The following GRK5 variants were observed in gnomAD, a reference collection of about 807,000 sequenced individuals.
GRK5 encodes g protein-coupled receptor kinase GRK5.
In GRK5, 40 loss-of-function variants were observed where a neutral mutation model predicts 78.4. The observed-to-expected ratio is 0.51, with a 90% CI of 0.40 to 0.66. GRK5 has a LOEUF of 0.66. GRK5 is among the 30% of genes least tolerant of loss of function. The pLI is 0.00. For missense variants in GRK5, 598 were observed against 759.9 expected (o/e 0.79, Z 2.50); for synonymous variants, 289 against 296.8 (o/e 0.97, Z 0.27).
chr10:119,246,808 C>T (rs928685914), intron 1 of GRK5, among the ~76,000 whole-genome samples: 3 of 152,178 alleles, frequency 2.0e-5, no homozygotes, highest in Non-Finnish European at 2.9e-5. Flanking sequence ...GGTTGAAAAC[C>T]TTCACTGTTT....
At chr10:119,216,677 G>C (rs1009715023) in intron 1 of GRK5, among the ~76,000 whole-genome samples, 2 of 152,154 alleles carry the variant, frequency 1.3e-5, no homozygotes, top group African/African-American at 2.4e-5. Context: ...AAATGGCCAG[G>C]CGTGGTGGCT....
At position 119,412,335 on chromosome 10, in the gene GRK5, C is replaced by G; in HGVS notation, c.340-10831C>G. 6.6e-6 allele frequency among the ~76,000 whole-genome samples: 1 copy of G among 152,188 alleles called. No individual in the cohort carries two copies. Among genetic ancestry groups the G allele is most frequent in the East Asian group, 1.9e-4 (1 of 5,178 alleles). On this transcript the variant is annotated intron_variant, in intron 4 of 15. Coordinates refer to ENST00000392870, the MANE Select transcript of GRK5 (RefSeq NM_005308.3). The surrounding 1 kb of genome is among the most constrained non-coding windows in gnomAD (Gnocchi z 4.3). ...GCTGTGCCTGGCACGGTGCCCGGGC[C>G]GTGCAGTCCATCGCCTGGGCTGACC...
intron 1 of GRK5, among the ~76,000 whole-genome samples, chr10:119,315,077 G>A (rs1850462146): frequency 6.6e-6 from 1 of 152,220 alleles, no homozygotes; most frequent in South Asian, 2.1e-4. Context: ...GACAGAAGCG[G>A]CTCTGCGCCC....
intron 1 of GRK5, among the ~76,000 whole-genome samples, chr10:119,312,503 C>T (rs1850376839): frequency 6.6e-6 from 1 of 152,218 alleles, no homozygotes; most frequent in South Asian, 2.1e-4. Context: ...TATGGGAATA[C>T]AGCCATGCTC....
intron 3 of GRK5, among the ~76,000 whole-genome samples, chr10:119,395,138 C>T (rs531249678): frequency 8.7e-4 from 125 of 143,838 alleles, no homozygotes; most frequent in Non-Finnish European, 1.5e-3. Context: ...CTCTGAGCCT[C>T]TGTGTCCAGC....
At chr10:119,396,191 T>C (rs549162794) in intron 3 of GRK5, among the ~76,000 whole-genome samples, 1 of 152,362 alleles carries the variant, frequency 6.6e-6, no homozygotes, top group South Asian at 2.1e-4. Context: ...GCTGGTACCA[T>C]CTGCGTTTTA....
intron 4 of GRK5, among the ~76,000 whole-genome samples, chr10:119,407,989 C>T (rs1039466263): frequency 6.6e-6 from 1 of 151,994 alleles, no homozygotes; most frequent in African/African-American, 2.4e-5. Context: ...CATGGAGAAA[C>T]CCCATCTCTA....
intron 1 of GRK5, among the ~76,000 whole-genome samples, chr10:119,246,733 A>G (rs990792006): frequency 1.3e-5 from 2 of 152,228 alleles, no homozygotes; most frequent in African/African-American, 4.8e-5. Flanking sequence ...ATTTGGGATT[A>G]GCATGGCATA....
At chr10:119,250,746 T>C (rs902880399) in intron 1 of GRK5, among the ~76,000 whole-genome samples, 1 of 152,174 alleles carries the variant, frequency 6.6e-6, no homozygotes, top group African/African-American at 2.4e-5. Context: ...TTGGAGAAAG[T>C]GGCTTAGTCA....
intron 1 of GRK5, among the ~76,000 whole-genome samples, chr10:119,292,698 T>C (rs187189594): frequency 6.6e-6 from 1 of 152,340 alleles, no homozygotes; most frequent in Admixed American, 6.5e-5. Context: ...CAGAAAATGG[T>C]GTCATATTTG....
chr10:119,370,437 T>C (rs73451624), intron 2 of GRK5, among the ~76,000 whole-genome samples: 1 of 152,228 alleles, frequency 6.6e-6, no homozygotes, highest in Non-Finnish European at 1.5e-5. Flanking sequence ...CACAGGAAGA[T>C]GGCAGGGCTT....
intron 1 of GRK5, among the ~76,000 whole-genome samples, chr10:119,313,089 A>ATGG (rs1399334813): frequency 8.9e-5 from 5 of 56,082 alleles, no homozygotes; most frequent in African/African-American, 3.2e-4. Flanking sequence ...GGTGGTGGTG[A>ATGG]TGGTGGTGAT....
chr10:119,236,458 C>T (rs944047926), intron 1 of GRK5, among the ~76,000 whole-genome samples: 5 of 152,194 alleles, frequency 3.3e-5, no homozygotes, highest in African/African-American at 4.8e-5. Flanking sequence ...TCGTGATCCG[C>T]CCGCCTTGGC....
In GRK5 at chr10:119,448,162, G is replaced by A. The variant is rs200344195; in HGVS notation, c.1306G>A (p.Glu436Lys). ...TGCGAAGCAGAGGCTGGGCTGCCAGGAGGAGGGGGCTGCAGAGGTCAAGAG... is the reference window on the plus strand; with the variant it reads ...TGCGAAGCAGAGGCTGGGCTGCCAGAAGGAGGGGGCTGCAGAGGTCAAGAG... ...KDAKQRLGCQEEGAAEVKRHP... is the reference protein window; with the variant it reads ...KDAKQRLGCQKEGAAEVKRHP... Residue 436 changes from glutamate to lysine, a missense_variant, in exon 13 of 16, where the codon GAG (glutamate) becomes AAG (lysine). By Grantham distance (56) the Glu-to-Lys change is moderately conservative. Transcript: ENST00000392870. 6 of 1,568,446 alleles carry A rather than the reference G, an allele frequency of 3.8e-6. No homozygotes were observed. Among genetic ancestry groups the A allele is most frequent in the African/African-American group, 1.4e-5 (1 of 71,704 alleles).
At chr10:119,298,363 C>T (rs1351420171) in intron 1 of GRK5, among the ~76,000 whole-genome samples, 1 of 152,074 alleles carries the variant, frequency 6.6e-6, no homozygotes, top group Non-Finnish European at 1.5e-5. Context: ...GGCTTCTTAC[C>T]CAGTCACAGC....
chr10:119,310,962 G>T (rs1371819695), intron 1 of GRK5, among the ~76,000 whole-genome samples: 1 of 152,170 alleles, frequency 6.6e-6, no homozygotes, highest in Non-Finnish European at 1.5e-5. Flanking sequence ...TGCCCTAGAA[G>T]AAGGGACTCT....
Position 119,284,619 on chromosome 10 carries a change from CTTTG to C in GRK5, c.53-41896_53-41893del, listed in dbSNP as rs1219675847. On this transcript the variant is annotated intron_variant, in intron 1 of 15. Transcript: ENST00000392870. ...GCTCCTCAGCTTCTGTGTCCAGGGG[CTTTG>C]GCGCAGAACAGGCTGCTGTGGCCTC... Among the ~76,000 whole-genome samples the C allele has an allele frequency of 2.4e-4, 36 of 152,352 alleles. No homozygotes were observed. In the East Asian group the frequency reaches 6.9e-3, roughly 29 times the overall value.
intron 1 of GRK5, among the ~76,000 whole-genome samples, chr10:119,255,571 A>G (rs1849268853): frequency 6.6e-6 from 1 of 152,208 alleles, no homozygotes; most frequent in Non-Finnish European, 1.5e-5. Flanking sequence ...TCACAGAGTC[A>G]TGGAGCAGGC....
chr10:119,278,605 G>A (rs765242751), intron 1 of GRK5, among the ~76,000 whole-genome samples: 9 of 152,088 alleles, frequency 5.9e-5, no homozygotes, highest in Admixed American at 1.3e-4. Flanking sequence ...ATCTGAGCAC[G>A]TCTCTTTCCT....
Sources: gnomAD v4.1 joint callset for allele counts (sites outside exome capture counted in the v4.1 genomes callset) on GRCh38, gnomAD v4.1.1 for gene constraint, Gnocchi (gnomAD v3.1) non-coding constraint, MANE v1.5 for transcripts, NCBI Gene and HGNC (gene_info 2026-07-23, HGNC 2026-07-21) for gene names.